ANKFN1: variants seen among roughly 807,000 people sequenced by gnomAD.
ANKFN1 encodes ankyrin repeat and fibronectin type-III domain-containing protein 1.
In ANKFN1, 74 loss-of-function variants were observed where a neutral mutation model predicts 108.7. The observed-to-expected ratio is 0.68, with a 90% CI of 0.56 to 0.83. The LOEUF is 0.83. Among genes scored for constraint, ANKFN1 ranks in the 40% least tolerant of loss-of-function variants. ANKFN1 has a pLI of 0.00. For synonymous variants in ANKFN1, 547 were observed against 516.2 expected (o/e 1.06, Z -0.81); for missense variants, 1,505 against 1,382.3 (o/e 1.09, Z -1.41).
At chr17:56,099,470 A>T (rs1480639158) in intron 4 of ANKFN1, among the ~76,000 whole-genome samples, 1 of 152,196 alleles carries the variant, frequency 6.6e-6, no homozygotes, top group Non-Finnish European at 1.5e-5. Context: ...AAGGGTGTTC[A>T]ACACCTTTAG....
In ANKFN1 at chr17:56,055,573, ATATATATATATATATG is replaced by A. The variant is rs1237599360; in HGVS notation, c.288+9257_288+9272del. Among the ~76,000 whole-genome samples the A allele has an allele frequency of 2.8e-4, 29 of 103,838 alleles. 1 individual carries two copies. Among genetic ancestry groups the A allele is most frequent in the South Asian group, 2.9e-4 (1 of 3,492 alleles). The allele number at this position is 103,838 out of a possible 152,430, so 68.1% of individuals were successfully genotyped here. ...GTGTGTGTGGTATATATACATATAT[ATATATATATATATATG>A]TATATATACACATTTTTTTATCCAG... On this transcript the variant is annotated intron_variant, in intron 4 of 12. Coordinates refer to the ANKFN1 transcript ENST00000635860.
At chr17:56,223,419 A>G (rs1318391107) in intron 2 of ANKFN1, among the ~76,000 whole-genome samples, 3 of 152,218 alleles carry the variant, frequency 2.0e-5, no homozygotes, top group Non-Finnish European at 2.9e-5. Flanking sequence ...TTAAAAAGGT[A>G]TAAAGAAATC....
At chr17:56,456,546 C>T (rs1026961398) in intron 11 of ANKFN1, among the ~76,000 whole-genome samples, 4 of 151,602 alleles carry the variant, frequency 2.6e-5, no homozygotes, top group Admixed American at 1.3e-4. Context: ...TACAGACGTG[C>T]GCCACCACAC....
intron 4 of ANKFN1, among the ~76,000 whole-genome samples, chr17:56,066,420 G>A (rs1905058874): frequency 6.6e-6 from 1 of 152,142 alleles, no homozygotes; most frequent in Non-Finnish European, 1.5e-5. Flanking sequence ...TGCTATAAAT[G>A]TGCATATACA....
chr17:56,195,094 A>G (rs2143718613), intron 1 of ANKFN1, among the ~76,000 whole-genome samples: 1 of 152,266 alleles, frequency 6.6e-6, no homozygotes, highest in Admixed American at 6.5e-5. Flanking sequence ...TACAATGAAT[A>G]TTTGATCAAC....
At chr17:56,249,536 A>C (rs1047392391) in intron 3 of ANKFN1, among the ~76,000 whole-genome samples, 1 of 152,182 alleles carries the variant, frequency 6.6e-6, no homozygotes, top group Admixed American at 6.5e-5. Flanking sequence ...TGATAAACTC[A>C]TTTGAAACTC....
intron 14 of ANKFN1, among the ~76,000 whole-genome samples, chr17:56,462,793 C>A (rs2049952317): frequency 6.6e-6 from 1 of 152,184 alleles, no homozygotes; most frequent in Non-Finnish European, 1.5e-5. Flanking sequence ...CATCCCTCTG[C>A]TACCAGTCTT....
chr17:56,185,524 C>T (rs1912111019), intron 1 of ANKFN1, among the ~76,000 whole-genome samples: 1 of 152,084 alleles, frequency 6.6e-6, no homozygotes, highest in African/African-American at 2.4e-5. Context: ...CCAAAAATGG[C>T]CTACAAATAT....
At chr17:56,262,089 A>G (rs1244745758) in intron 3 of ANKFN1, among the ~76,000 whole-genome samples, 1 of 152,162 alleles carries the variant, frequency 6.6e-6, no homozygotes, top group African/African-American at 2.4e-5. Context: ...CCCTCCAAGA[A>G]TTCTGATATA....
chr17:56,088,276 T>C (rs1469017501), intron 4 of ANKFN1, among the ~76,000 whole-genome samples: 1 of 151,356 alleles, frequency 6.6e-6, no homozygotes, highest in African/African-American at 2.4e-5. Context: ...ATCTCCCTTT[T>C]CTACTCATGA....
chr17:56,426,720 A>G (rs1252077810), intron 8 of ANKFN1, among the ~76,000 whole-genome samples: 1 of 152,354 alleles, frequency 6.6e-6, no homozygotes, highest in Non-Finnish European at 1.5e-5. Context: ...GTTCTGAAAA[A>G]AATAATACAT....
chr17:56,135,300 A>G (rs1293164166), intron 4 of ANKFN1, among the ~76,000 whole-genome samples: 1 of 152,156 alleles, frequency 6.6e-6, no homozygotes. Flanking sequence ...TGTGTGTGTG[A>G]GTTAACCTCA....
At chr17:56,114,361 A>T (rs1018967806) in intron 4 of ANKFN1, among the ~76,000 whole-genome samples, 3 of 152,228 alleles carry the variant, frequency 2.0e-5, no homozygotes, top group African/African-American at 7.2e-5. Context: ...TGGCTAACAC[A>T]CATGTGAAAA....
At chr17:56,188,904 C>T (rs1912567260) in intron 1 of ANKFN1, among the ~76,000 whole-genome samples, 1 of 151,814 alleles carries the variant, frequency 6.6e-6, no homozygotes, top group Admixed American at 6.6e-5. Flanking sequence ...AGTCCCATTT[C>T]CCCATCCTCT....
intron 3 of ANKFN1, among the ~76,000 whole-genome samples, chr17:56,313,162 AAAG>A (rs1282493276): frequency 1.3e-5 from 2 of 152,038 alleles, no homozygotes; most frequent in Non-Finnish European, 2.9e-5. Flanking sequence ...CAAAAAAAAA[AAAG>A]AAAAAAAAAC....
At chr17:56,195,028 G>T (rs1261289064) in intron 1 of ANKFN1, among the ~76,000 whole-genome samples, 2 of 152,166 alleles carry the variant, frequency 1.3e-5, no homozygotes, top group Non-Finnish European at 2.9e-5. Flanking sequence ...AGAAGAAACA[G>T]AAGACACCTT....
intron 3 of ANKFN1, among the ~76,000 whole-genome samples, chr17:56,259,946 A>ACACACT (rs1555618328): frequency 3.4e-5 from 5 of 148,694 alleles, no homozygotes; most frequent in African/African-American, 1.3e-4. Context: ...ACACACACAC[A>ACACACT]CTCTTTTCAA....
chr17:56,343,529 A>G (rs1307089654), intron 4 of ANKFN1, among the ~76,000 whole-genome samples: 1 of 151,234 alleles, frequency 6.6e-6, no homozygotes, highest in Non-Finnish European at 1.5e-5. Flanking sequence ...CTTTCTCTCT[A>G]TGTCTTTGGC....
intron 18 of ANKFN1, among the ~76,000 whole-genome samples, chr17:56,484,358 A>C (rs2050795688): frequency 6.6e-6 from 1 of 152,186 alleles, no homozygotes; most frequent in South Asian, 2.1e-4. Flanking sequence ...AACGAAAATA[A>C]GAAGAAAAAA....
Sources: gnomAD v4.1 joint callset for allele counts (sites outside exome capture counted in the v4.1 genomes callset) on GRCh38, gnomAD v4.1.1 for gene constraint, MANE v1.5 for transcripts, NCBI Gene and HGNC (gene_info 2026-07-23, HGNC 2026-07-21) for gene names.